The following MAST4 variants were observed in gnomAD, a reference collection of about 807,000 sequenced individuals.
The protein encoded by MAST4 is microtubule-associated serine/threonine-protein kinase 4.
MAST4 carries 89 observed loss-of-function variants against 162.7 expected under a neutral mutation model. The ratio of observed to expected loss-of-function variants is 0.55; its 90% CI spans 0.46 to 0.65. MAST4 has a LOEUF of 0.65. Among genes scored for constraint, MAST4 ranks in the 30% least tolerant of loss-of-function variants. The pLI is 0.00. For synonymous variants in MAST4, 1,479 were observed against 1,361.1 expected, an observed-to-expected ratio of 1.09 and a Z score of -1.91; for missense variants, 3,153 against 3,374.0, an observed-to-expected ratio of 0.93 and a Z score of 1.62.
At chr5:67,079,554 A>G (rs887314859) in intron 5 of MAST4, among the ~76,000 whole-genome samples, 2 of 152,192 alleles carry the variant, frequency 1.3e-5, no homozygotes, top group Non-Finnish European at 2.9e-5. Flanking sequence ...TGTTTGAATG[A>G]ACCAGTGAAT....
chr5:66,897,142 T>C (rs1034648617), intron 3 of MAST4, among the ~76,000 whole-genome samples: 1 of 152,232 alleles, frequency 6.6e-6, no homozygotes, highest in Non-Finnish European at 1.5e-5. Context: ...TTAGTTCAGA[T>C]GGATACTTCT....
chr5:66,802,028 A>G (rs1030477282), intron 3 of MAST4, among the ~76,000 whole-genome samples: 9 of 152,238 alleles, frequency 5.9e-5, no homozygotes, highest in African/African-American at 2.2e-4. Flanking sequence ...ATATAAATTA[A>G]GAACATTGCT....
chr5:66,616,714 G>A (rs1743715327), intron 1 of MAST4, among the ~76,000 whole-genome samples: 1 of 152,220 alleles, frequency 6.6e-6, no homozygotes, highest in Non-Finnish European at 1.5e-5. Context: ...AACAGCCTAA[G>A]AGAGTGCCTG....
chr5:66,770,462 G>A (rs1019501297), intron 2 of MAST4, among the ~76,000 whole-genome samples: 1 of 152,182 alleles, frequency 6.6e-6, no homozygotes, highest in Non-Finnish European at 1.5e-5. Context: ...GTGGTCTACC[G>A]ATGAGTCATT....
chr5:66,672,960 T>A (rs1256479467), intron 1 of MAST4, among the ~76,000 whole-genome samples: 2 of 152,244 alleles, frequency 1.3e-5, no homozygotes, highest in Non-Finnish European at 2.9e-5. Context: ...CCTTGGTGTC[T>A]TTCAGCTTCC....
intron 1 of MAST4, among the ~76,000 whole-genome samples, chr5:66,699,878 G>A (rs888592974): frequency 2.0e-5 from 3 of 151,894 alleles, no homozygotes. Flanking sequence ...ATTTGCCTGT[G>A]TAACAAACGT....
intron 1 of MAST4, among the ~76,000 whole-genome samples, chr5:66,682,285 T>C (rs1003914414): frequency 7.2e-5 from 11 of 152,224 alleles, no homozygotes; most frequent in Non-Finnish European, 1.6e-4. Context: ...CTGAGGTTAA[T>C]ATCATCAGCA....
rs1409804671 is a variant in MAST4 at position 67,145,288 on chromosome 5, A to C, written c.3003A>C (p.Pro1001=). 1 of 1,613,802 alleles carries C rather than the reference A, an allele frequency of 6.2e-7. No individual in the cohort carries two copies. Among genetic ancestry groups the C allele is most frequent in the Non-Finnish European group, 8.5e-7 (1 of 1,179,876 alleles). ...GCCCTGGAGACCCCCATGAGGAGCC[A>C]GGAAAGCCAGCCCTTCCTCCTGAAG... The part of the protein sequence containing the change: ...ASCPGDPHEE[P]GKPALPPEEC... Residue 1001 remains proline, a synonymous_variant, in exon 23 of 29, where the codon CCA becomes CCC. Transcript: ENST00000403625.
At chr5:66,916,891 A>T (rs901810809) in intron 4 of MAST4, 1 of 669,636 alleles carries the variant, frequency 1.5e-6, no homozygotes, top group African/African-American at 1.8e-5. Flanking sequence ...TGTTTTCAGT[A>T]CTCCCTTTCT....
At chr5:67,137,736 A>T (rs1230169168) in intron 19 of MAST4, among the ~76,000 whole-genome samples, 1 of 152,222 alleles carries the variant, frequency 6.6e-6, no homozygotes, top group African/African-American at 2.4e-5. Context: ...GATTTGTCCC[A>T]CAGCCTGGTA....
intron 4 of MAST4, among the ~76,000 whole-genome samples, chr5:66,919,959 TCCTTCCTTCCTTCCTTCTTTCTCTC>T (rs1561446257): frequency 1.5e-4 from 17 of 113,026 alleles, no homozygotes; most frequent in African/African-American, 6.7e-4. Flanking sequence ...CTTCCTTCCT[TCCTTCCTTCCTTCCTTCTTTCTCTC>T]TCTCTCTCTC....
In MAST4 at chr5:66,928,606, C is replaced by T. The variant is rs1445944584; in HGVS notation, c.674+28624C>T. Among the ~76,000 whole-genome samples the T allele has an allele frequency of 1.3e-5, 2 of 151,152 alleles. 1 individual carries two copies. Among genetic ancestry groups the T allele is most frequent in the South Asian group, 4.1e-4 (2 of 4,826 alleles). On this transcript the variant is annotated intron_variant, in intron 4 of 28. Coordinates refer to ENST00000403625, the MANE Select transcript of MAST4 (RefSeq NM_001164664.2). Reference sequence around the variant, plus strand: ...GTTAAATTGGCCTTTGTGGGTAAACCTAGAAACCTCCCAGCTGTTTATAAC... The same window carrying T: ...GTTAAATTGGCCTTTGTGGGTAAACTTAGAAACCTCCCAGCTGTTTATAAC...
chr5:67,078,876 A>ATATT (rs1762102430), intron 5 of MAST4, among the ~76,000 whole-genome samples: 2 of 110,578 alleles, frequency 1.8e-5, no homozygotes, highest in African/African-American at 7.5e-5. Flanking sequence ...ATATATTTAT[A>ATATT]TAAATATATT....
At chr5:67,023,238 A>T (rs7718114) in intron 4 of MAST4, among the ~76,000 whole-genome samples, 2,843 of 152,252 alleles carry the variant, frequency 0.019, 110 homozygotes, top group African/African-American at 0.066. Context: ...AACCCACATT[A>T]AGCTATGACT....
At position 66,842,451 on chromosome 5, in the gene MAST4, C is replaced by G. The variant is rs148176611; in HGVS notation, c.642+53657C>G. Among the ~76,000 whole-genome samples, 322 of 152,208 alleles carry G rather than the reference C, an allele frequency of 2.1e-3. 1 individual carries two copies. The highest frequency in any genetic ancestry group is 5.8e-3 in the South Asian group (28 of 4,828). On this transcript the variant is annotated intron_variant, in intron 3 of 28. Coordinates refer to ENST00000403625, the MANE Select transcript of MAST4 (RefSeq NM_001164664.2). The stretch of plus-strand genomic sequence containing the variant: ...TTGTGTGTGGCTCCTTCCCCTACCC[C>G]CTCCCGCCCCGCCAAATGTTGTTGT...
intron 4 of MAST4, among the ~76,000 whole-genome samples, chr5:66,907,194 A>AGAGAGAGAGAGT (rs1763420444): frequency 3.6e-5 from 5 of 138,868 alleles, no homozygotes; most frequent in Admixed American, 1.5e-4. Context: ...AGAGAGAGAG[A>AGAGAGAGAGAGT]GAGAGAGAGA....
chr5:66,885,165 A>G (rs1761959736), intron 3 of MAST4, among the ~76,000 whole-genome samples: 1 of 152,146 alleles, frequency 6.6e-6, no homozygotes. Context: ...CTCAGTCAAT[A>G]TGTTTACTCT....
Position 66,596,927 on chromosome 5 carries a change from G to T in MAST4, c.272G>T (p.Gly91Val). The change falls in exon 1 of 29, where the codon GGA becomes GTA. Residue 91 changes from glycine to valine, a missense_variant. Physicochemically the swap from Gly to Val is moderately radical, Grantham distance 109. Transcript: ENST00000403625. ...WAPASVLLER[G>V]VLALPPPLPG... The stretch of plus-strand genomic sequence containing the variant: ...CCGGCAAGCGTGCTGCTGGAGCGCG[G>T]AGTCCTTGCGCTGCCGCCGCCGCTT... The T allele has an allele frequency of 7.5e-7, 1 of 1,332,462 alleles. No homozygotes were observed. Among genetic ancestry groups the T allele is most frequent in the Non-Finnish European group, 9.6e-7 (1 of 1,041,180 alleles). The allele number at this position is 1,332,462 out of a possible 1,614,324, so 82.5% of individuals were successfully genotyped here.
At chr5:67,123,761 A>G (rs937762121) in intron 14 of MAST4, among the ~76,000 whole-genome samples, 1 of 152,222 alleles carries the variant, frequency 6.6e-6, no homozygotes, top group Non-Finnish European at 1.5e-5. Context: ...AAAGTAAAAA[A>G]CTAATTTTGA....
Sources: allele counts gnomAD v4.1 joint callset (sites outside exome capture counted in the v4.1 genomes callset), GRCh38; gene constraint gnomAD v4.1.1; transcripts MANE v1.5; gene names NCBI Gene and HGNC (gene_info 2026-07-23, HGNC 2026-07-21).